SPC25: variants seen among roughly 807,000 people sequenced by gnomAD.
The protein encoded by SPC25 is SPC25 component of NDC80 kinetochore complex.
A neutral mutation model predicts 29.6 loss-of-function variants in SPC25; 22 were observed. The ratio of observed to expected loss-of-function variants is 0.74; its 90% CI spans 0.53 to 1.06. The LOEUF (loss-of-function observed/expected upper bound fraction) is 1.06, where lower values mean the gene tolerates loss of function less well. Among genes scored for constraint, SPC25 ranks in the 50% least tolerant of loss-of-function variants. The pLI is 0.00. For synonymous variants in SPC25, 91 were observed against 90.4 expected (o/e 1.01, Z -0.04); for missense variants, 230 against 255.8 (o/e 0.90, Z 0.69).
chr2:168,862,480 A>C (rs1214043487), intron 4 of SPC25, among the ~76,000 whole-genome samples: 1 of 152,160 alleles, frequency 6.6e-6, no homozygotes, highest in East Asian at 1.9e-4. Context: ...GATGTACCCC[A>C]CCTTTTTATT....
At chr2:168,888,972 T>C (rs199681466) in intron 3 of SPC25, among the ~76,000 whole-genome samples, 28,473 of 103,038 alleles carry the variant, frequency 0.28, 5,428 homozygotes, top group Non-Finnish European at 0.33. Context: ...TATATATATA[T>C]ACACACACAC....
At chr2:168,867,048 A>G (rs1689873206), downstream of SPC25, among the ~76,000 whole-genome samples, 1 of 152,206 alleles carries the variant, frequency 6.6e-6, no homozygotes, top group African/African-American at 2.4e-5. Flanking sequence ...TAGTTCAACC[A>G]TTGTGGAAGT....
chr2:168,877,274 G>A lies in SPC25; in HGVS notation c.310C>T (p.Gln104Ter). The A allele has an allele frequency of 6.2e-7, 1 of 1,613,518 alleles. No individual in the cohort carries two copies. The highest frequency in any genetic ancestry group is 8.5e-7 in the Non-Finnish European group (1 of 1,179,718). Residue 104 changes from glutamine (Q) to a stop codon, truncating the protein, a stop_gained, in exon 4 of 7, where the codon CAG becomes TAG. Transcript: ENST00000282074. LOFTEE classifies it high-confidence loss of function. ...CTAGAATATTCTTCCTTAAGATCCT[G>A]GATATTTGCAGTCAGTACTTCCAAT... ...QELEVLTANI[Q>*]DLKEEYSRKK... is the part of the protein sequence containing the mutation.
intron 1 of SPC25, among the ~76,000 whole-genome samples, chr2:168,889,846 C>G (rs1217856597): frequency 6.6e-6 from 1 of 152,178 alleles, no homozygotes; most frequent in Admixed American, 6.5e-5. Flanking sequence ...AACCCCTGAT[C>G]CAACTCTAAC....
chr2:168,888,337 C>T (rs974459556), intron 3 of SPC25, among the ~76,000 whole-genome samples: 3 of 152,108 alleles, frequency 2.0e-5, no homozygotes, highest in African/African-American at 4.8e-5. Context: ...AGGCAGATCA[C>T]GAGGTCAGGA....
rs1383001954 is a variant in SPC25, at chr2:168,877,382, T to C, written c.202A>G (p.Ile68Val). ...VEMFLEYQNQ[I>V]SRQNKLIQEK... The stretch of plus-strand genomic sequence containing the variant: ...TGAATGAGCTTATTTTGCCTGCTGA[T>C]CTCTGTAAGAAGCACAAGGTATTAG... Residue 68 changes from isoleucine (I) to valine (V), a missense_variant and splice_region_variant, in exon 4 of 7, where the codon ATC (isoleucine) becomes GTC (valine). Physicochemically the swap from Ile to Val is conservative, Grantham distance 29. Transcript: ENST00000282074. 3.1e-6 allele frequency: 5 copies of C among 1,613,530 alleles called. No homozygotes were observed. In the African/African-American group the frequency reaches 4.0e-5, roughly 13 times the overall value.
chr2:168,874,673 G>A (rs1690056049), intron 5 of SPC25, among the ~76,000 whole-genome samples: 1 of 152,102 alleles, frequency 6.6e-6, no homozygotes, highest in Non-Finnish European at 1.5e-5. Flanking sequence ...AATCAGCAAA[G>A]GGAAAAGGTA....
chr2:168,864,945 C>T, intron 4 of SPC25: 1 of 1,614,090 alleles, frequency 6.2e-7, no homozygotes, highest in African/African-American at 1.3e-5. Context: ...CCTTCAAATG[C>T]TGGCAACACA....
At chr2:168,876,937 T>G (rs979563421) in intron 4 of SPC25, among the ~76,000 whole-genome samples, 1 of 152,164 alleles carries the variant, frequency 6.6e-6, no homozygotes, top group African/African-American at 2.4e-5. Flanking sequence ...CTATGGCTTG[T>G]CCAAAGCAAA....
downstream of SPC25, among the ~76,000 whole-genome samples, chr2:168,866,166 T>A (rs1689845126): frequency 6.6e-6 from 1 of 152,294 alleles, no homozygotes. Context: ...CATTGCCAAG[T>A]CAATCCTAAG....
At chr2:168,869,804 G>A (rs1689945151), downstream of SPC25, among the ~76,000 whole-genome samples, 1 of 152,112 alleles carries the variant, frequency 6.6e-6, no homozygotes, top group Non-Finnish European at 1.5e-5. Context: ...TAGATTCAAT[G>A]CCATCCCCAT....
intron 1 of SPC25, among the ~76,000 whole-genome samples, chr2:168,889,943 C>T (rs922374394): frequency 6.6e-6 from 1 of 152,158 alleles, no homozygotes; most frequent in Non-Finnish European, 1.5e-5. Context: ...TGTCTCTCTC[C>T]TCCACCTCAG....
chr2:168,873,435 T>G (rs1690030298), intron 6 of SPC25, 150 bp downstream of exon 6: 2 of 550,660 alleles, frequency 3.6e-6, no homozygotes, highest in Non-Finnish European at 6.5e-6. Flanking sequence ...ATTCACTTCC[T>G]TTAGAAGACT....
intron 4 of SPC25, chr2:168,864,776 C>G: frequency 6.3e-7 from 1 of 1,588,284 alleles, no homozygotes; most frequent in East Asian, 2.2e-5. Context: ...TCTTATCAAT[C>G]GGGCTGAGGC....
chr2:168,876,217 T>C (rs749297571), intron 4 of SPC25, 41 bp from the exon 5 acceptor site: 10 of 1,332,496 alleles, frequency 7.5e-6, no homozygotes, highest in South Asian at 6.2e-5. Context: ...TTTTAAATAA[T>C]AGCAAATTAA....
chr2:168,866,133 A>G (rs1689843903), downstream of SPC25, among the ~76,000 whole-genome samples: 1 of 152,310 alleles, frequency 6.6e-6, no homozygotes, highest in Non-Finnish European at 1.5e-5. Flanking sequence ...TTTAAAGTTC[A>G]TATGGAACCA....
At chr2:168,863,776 CCAAA>C (rs763069222) in intron 4 of SPC25, 2 of 467,920 alleles carry the variant, frequency 4.3e-6, no homozygotes, top group African/African-American at 2.1e-5. Flanking sequence ...AGCCAACACG[CCAAA>C]CAATCAAAAA....
downstream of SPC25, among the ~76,000 whole-genome samples, chr2:168,866,581 T>TGA: frequency 6.7e-6 from 1 of 149,794 alleles, no homozygotes; most frequent in South Asian, 2.1e-4. Flanking sequence ...GGATTTCATG[T>TGA]CTAAAACACC....
At chr2:168,890,137 GT>G (rs1409789142) in intron 1 of SPC25, among the ~76,000 whole-genome samples, 180 bp downstream of exon 1, 3 of 152,304 alleles carry the variant, frequency 2.0e-5, no homozygotes, top group Admixed American at 6.5e-5. Flanking sequence ...ACCTCCTGCA[GT>G]GAAACCCAGA....
Sources: gnomAD v4.1 joint callset for allele counts (sites outside exome capture counted in the v4.1 genomes callset) on GRCh38, gnomAD v4.1.1 for gene constraint, MANE v1.5 for transcripts, NCBI Gene and HGNC (gene_info 2026-07-23, HGNC 2026-07-21) for gene names.